The following MTR variants were observed in gnomAD, a reference collection of about 807,000 sequenced individuals.
The protein encoded by MTR is methionine synthase.
In MTR, 84 loss-of-function variants were observed where a neutral mutation model predicts 154.8. That is an observed-to-expected ratio of 0.54 (90% CI 0.45 to 0.65). The LOEUF (loss-of-function observed/expected upper bound fraction) is 0.65, where lower values mean the gene tolerates loss of function less well. MTR is among the 30% of genes least tolerant of loss of function. MTR has a pLI of 0.00. For synonymous variants in MTR, 554 were observed against 553.9 expected (o/e 1.00, Z 0.00); for missense variants, 1,275 against 1,570.2 (o/e 0.81, Z 3.18).
chr1:236,895,565 G>T lies in MTR; in HGVS notation c.3598+15G>T. The T allele has an allele frequency of 6.4e-7, 1 of 1,557,460 alleles. No homozygotes were observed. Among genetic ancestry groups the T allele is most frequent in the Non-Finnish European group, 8.7e-7 (1 of 1,149,966 alleles). Reference sequence around the variant, plus strand: ...GCAGTCTACAGGTAGGAGCCAGGAGGCTGCGGGTTCCTGTCTTCCTTCTTC... The same window carrying T: ...GCAGTCTACAGGTAGGAGCCAGGAGTCTGCGGGTTCCTGTCTTCCTTCTTC... On this transcript the variant is annotated intron_variant, in intron 31 of 32. Coordinates refer to ENST00000366577, the MANE Select transcript of MTR (RefSeq NM_000254.3).
chr1:236,797,775 A>G (rs188820254), intron 1 of MTR, among the ~76,000 whole-genome samples: 11 of 152,208 alleles, frequency 7.2e-5, no homozygotes, highest in South Asian at 2.1e-4. Context: ...CCTGGCCAAC[A>G]TGGTGAAACC....
chr1:236,856,697 A>C (rs746330734), intron 18 of MTR, among the ~76,000 whole-genome samples: 8 of 151,782 alleles, frequency 5.3e-5, no homozygotes, highest in Non-Finnish European at 1.2e-4. Context: ...CAACCCCCCG[A>C]CAGGCCCTGG....
At chr1:236,845,568 C>A (rs529737818) in intron 15 of MTR, among the ~76,000 whole-genome samples, 1 of 152,118 alleles carries the variant, frequency 6.6e-6, no homozygotes, top group Non-Finnish European at 1.5e-5. Flanking sequence ...CAAAAGAATT[C>A]AACAGCATAA....
intron 15 of MTR, among the ~76,000 whole-genome samples, chr1:236,840,155 A>G (rs954765230): frequency 2.6e-5 from 4 of 152,202 alleles, no homozygotes; most frequent in African/African-American, 9.7e-5. Flanking sequence ...TGTATGAAAG[A>G]TACATTTTCT....
intron 22 of MTR, among the ~76,000 whole-genome samples, chr1:236,872,577 A>T (rs1666720934): frequency 6.6e-6 from 1 of 152,164 alleles, no homozygotes; most frequent in Non-Finnish European, 1.5e-5. Flanking sequence ...TTCAGATCCC[A>T]ACTCTGCCTC....
Position 236,860,087 on chromosome 1 carries a change from CCCCA to C in MTR, c.2043+168_2043+171del, listed in dbSNP as rs1337260561. On this transcript the variant is annotated intron_variant, in intron 19 of 32. Transcript: ENST00000366577. The stretch of plus-strand genomic sequence containing the variant: ...CCCAGCTGCCCCCCCCCCCCCCCCC[CCCCA>C]CCATAGCACATTTGACAGTGTTCAG... 6.0e-5 allele frequency among the ~76,000 whole-genome samples: 4 copies of C among 66,634 alleles called. No homozygotes were observed. The East Asian group carries it at 2.5e-3, about 41-fold the overall frequency. The allele number at this position is 66,634 out of a possible 152,430, so 43.7% of individuals were successfully genotyped here. A position where few individuals can be genotyped will look rare whatever the true frequency, so the allele number is the denominator to read the frequency against.
chr1:236,880,900 T>A, intron 25 of MTR, 64 bp downstream of exon 25: 1 of 1,436,428 alleles, frequency 7.0e-7, no homozygotes, highest in Non-Finnish European at 9.8e-7. Flanking sequence ...AAGTAAGGGT[T>A]TAACTTAAGA....
Position 236,898,152 on chromosome 1 carries a change from G to C in MTR, c.*508G>C, listed in dbSNP as rs902951085. On this transcript the variant is annotated 3_prime_UTR_variant, in exon 33 of 33. Transcript: ENST00000366577. Reference sequence around the variant, plus strand: ...GGGAAGGTGTAGCTCTGTTCTCTTCGGAAGACCTCGTTTTCTAAAGGCTGG... The same window carrying C: ...GGGAAGGTGTAGCTCTGTTCTCTTCCGAAGACCTCGTTTTCTAAAGGCTGG... The C allele has an allele frequency of 1.9e-5, 3 of 158,842 alleles. No individual in the cohort carries two copies. Among genetic ancestry groups the C allele is most frequent in the Admixed American group, 1.8e-4 (3 of 16,378 alleles). 9.8% of individuals were successfully genotyped at this position (158,842 alleles called of 1,614,324 possible).
chr1:236,801,696 AG>A (rs1425234951), intron 1 of MTR, among the ~76,000 whole-genome samples: 2 of 152,244 alleles, frequency 1.3e-5, no homozygotes, highest in African/African-American at 4.8e-5. Flanking sequence ...GCTTAGAACC[AG>A]CCCCATTTGA....
Position 236,862,743 on chromosome 1 carries a change from T to C in MTR, c.2304+400T>C, listed in dbSNP as rs368749114. The stretch of plus-strand genomic sequence containing the variant: ...TGTTTTTAGAAAACTCTTAACTGAA[T>C]AGTCTTTCTGCTGGTGATGTCCTTG... On this transcript the variant is annotated intron_variant, in intron 21 of 32. Coordinates refer to ENST00000366577, the MANE Select transcript of MTR (RefSeq NM_000254.3). Among the ~76,000 whole-genome samples the C allele has an allele frequency of 2.0e-5, 3 of 152,202 alleles. No individual in the cohort carries two copies. In the East Asian group the frequency reaches 5.8e-4, roughly 29 times the overall value.
At chr1:236,860,861 T>G (rs1427329008) in intron 19 of MTR, among the ~76,000 whole-genome samples, 1 of 152,198 alleles carries the variant, frequency 6.6e-6, no homozygotes, top group Non-Finnish European at 1.5e-5. Flanking sequence ...ACTTTGTTTG[T>G]ATCAATAAAG....
Position 236,862,239 on chromosome 1 carries a change from A to T in MTR, c.2200A>T (p.Ile734Leu). 1 of 1,613,254 alleles carries T rather than the reference A, an allele frequency of 6.2e-7. No individual in the cohort carries two copies. The change falls in exon 21 of 33, where the codon ATA (isoleucine) becomes TTA (leucine). Residue 734 changes from isoleucine to leucine, a missense_variant. Coordinates refer to ENST00000366577, the MANE Select transcript of MTR (RefSeq NM_000254.3). Reference sequence around the variant, plus strand: ...TGATCTATGCTTTTTTTCTCAGGTTATAAAGTCAGCCCGGGTTATGAAGAA... The same window carrying T: ...TGATCTATGCTTTTTTTCTCAGGTTTTAAAGTCAGCCCGGGTTATGAAGAA... Reference protein sequence around the residue: ...GAGKMFLPQVIKSARVMKKAV... With the variant: ...GAGKMFLPQVLKSARVMKKAV...
At chr1:236,820,620 C>T (rs1404331499) in intron 8 of MTR, 1 of 545,016 alleles carries the variant, frequency 1.8e-6, no homozygotes, top group Non-Finnish European at 3.2e-6. Context: ...CGTAAACATT[C>T]ATGGCAGGTT....
At chr1:236,820,038 A>T (rs1572209349) in intron 8 of MTR, 1 of 837,984 alleles carries the variant, frequency 1.2e-6, no homozygotes, top group East Asian at 2.4e-5. Context: ...GCAGCCTCTC[A>T]TGGAGGCATC....
intron 22 of MTR, among the ~76,000 whole-genome samples, chr1:236,867,109 G>A (rs1664861932): frequency 6.6e-6 from 1 of 152,180 alleles, no homozygotes; most frequent in Non-Finnish European, 1.5e-5. Context: ...CTTTCTGTTG[G>A]AAGTAGGTGC....
chr1:236,854,678 C>A (rs543589113), intron 18 of MTR, among the ~76,000 whole-genome samples: 5 of 152,186 alleles, frequency 3.3e-5, no homozygotes, highest in Non-Finnish European at 5.9e-5. Context: ...TTTCCCTGAT[C>A]TATCCAGAGG....
chr1:236,802,516 C>T (rs11589672), intron 1 of MTR, among the ~76,000 whole-genome samples: 3 of 151,776 alleles, frequency 2.0e-5, no homozygotes, highest in Non-Finnish European at 4.4e-5. Flanking sequence ...GGTCATCATG[C>T]GCTTTTCCTT....
Position 236,795,295 on chromosome 1 carries a change from A to G in MTR, c.-409A>G, listed in dbSNP as rs1271363403. The G allele has an allele frequency of 7.4e-6, 9 of 1,215,776 alleles. No individual in the cohort carries two copies. The highest frequency in any genetic ancestry group is 8.4e-6 in the Non-Finnish European group (8 of 952,778). 75.3% of individuals were successfully genotyped at this position (1,215,776 alleles called of 1,614,324 possible). On this transcript the variant is annotated 5_prime_UTR_variant, in exon 1 of 33. Transcript: ENST00000366577. ...ACGCCGAGGATAGATTGAGCGCAGA[A>G]CTAACCGCGCTCTGAAAGGTTCTAA...
Position 236,808,765 on chromosome 1 carries a change from T to C in MTR, c.401T>C (p.Leu134Pro). 1 of 1,614,158 alleles carries C rather than the reference T, an allele frequency of 6.2e-7. No homozygotes were observed. The highest frequency in any genetic ancestry group is 1.1e-5 in the South Asian group (1 of 91,088). The change falls in exon 4 of 33, where the codon CTC becomes CCC. Residue 134 changes from leucine (L) to proline (P), a missense_variant. Leu to Pro is a moderately conservative substitution (Grantham distance 98). Transcript: ENST00000366577. ...VARKAAEEVT[L>P]QTGIKRFVAG... Reference sequence around the variant, plus strand: ...AGAAAAGCTGCCGAGGAGGTAACTCTCCAGACAGGTAGGGAATGTTCTTCT... The same window carrying C: ...AGAAAAGCTGCCGAGGAGGTAACTCCCCAGACAGGTAGGGAATGTTCTTCT...
Sources: allele counts gnomAD v4.1 joint callset (sites outside exome capture counted in the v4.1 genomes callset), GRCh38; gene constraint gnomAD v4.1.1; transcripts MANE v1.5; gene names NCBI Gene and HGNC (gene_info 2026-07-23, HGNC 2026-07-21).